The following SPON2 variants were observed in gnomAD, a reference collection of about 807,000 sequenced individuals.
SPON2 encodes the protein spondin 2, also known as spondin-2.
SPON2 carries 32 observed loss-of-function variants against 29.9 expected under a neutral mutation model. The ratio of observed to expected loss-of-function variants is 1.07; its 90% CI spans 0.81 to 1.44. SPON2 has a LOEUF of 1.44. Ranked by LOEUF, SPON2 falls within the 40% of genes most tolerant of loss-of-function variation. SPON2 has a pLI of 0.00. For synonymous variants in SPON2, 248 were observed against 209.1 expected (o/e 1.19, Z -1.61); for missense variants, 541 against 455.5 (o/e 1.19, Z -1.71).
intron 1 of SPON2, among the ~76,000 whole-genome samples, chr4:1,182,846 CA>C (rs1338868576): frequency 6.6e-6 from 1 of 151,918 alleles, no homozygotes; most frequent in African/African-American, 2.4e-5. Flanking sequence ...TCATCACATA[CA>C]AGGAATTGCC....
Position 1,172,544 on chromosome 4 carries a change from CCGGCAG to C in SPON2, c.-10_-5del. ...TGTCCCGGGGGCACGCAGTACTCAC[CCGGCAG>C]GAGCAGCGGGAGCGCGGCCGGCAGC... On this transcript the variant is annotated splice_region_variant and 5_prime_UTR_variant, in exon 1 of 6. Transcript: ENST00000290902. The C allele has an allele frequency of 6.0e-6, 1 of 167,710 alleles. No homozygotes were observed. The highest frequency in any genetic ancestry group is 1.3e-5 in the Non-Finnish European group (1 of 78,254). 10.4% of individuals were successfully genotyped at this position (167,710 alleles called of 1,614,324 possible).
chr4:1,207,536 A>G (rs928431796), intron 1 of SPON2, among the ~76,000 whole-genome samples: 2 of 151,292 alleles, frequency 1.3e-5, no homozygotes, highest in East Asian at 1.9e-4. Context: ...CCGCGCTTAC[A>G]CATGCTCCAG....
Position 1,189,638 on chromosome 4 carries a change from CA to C in SPON2, c.-239+5351del, listed in dbSNP as rs61543201. On this transcript the variant is annotated intron_variant, in intron 1 of 3. Transcript: ENST00000502483. ...TGGGCAACAGAGTGAGACCCTGTCT[CA>C]AAAAAAAAAAAAAAAAAAAGAAAGA... is the stretch of plus-strand genomic sequence containing the variant. Among the ~76,000 whole-genome samples the C allele has an allele frequency of 9.4e-3, 567 of 60,250 alleles. 6 individuals are homozygous for C. Among genetic ancestry groups the C allele is most frequent in the South Asian group, 0.08 (98 of 1,226 alleles). 39.5% of individuals were successfully genotyped at this position (60,250 alleles called of 152,430 possible).
At chr4:1,205,447 G>A (rs1457841974) in intron 1 of SPON2, among the ~76,000 whole-genome samples, 1 of 152,224 alleles carries the variant, frequency 6.6e-6, no homozygotes, top group East Asian at 1.9e-4. Flanking sequence ...GCTGGCATCC[G>A]TGGAGCTGTG....
rs1226396077 is a variant in SPON2, at chr4:1,202,527, C to T, written c.-234+5353G>A. Among the ~76,000 whole-genome samples, 1 of 152,164 alleles carries T rather than the reference C, an allele frequency of 6.6e-6. No homozygotes were observed. Among genetic ancestry groups the T allele is most frequent in the Admixed American group, 6.5e-5 (1 of 15,290 alleles). On this transcript the variant is annotated intron_variant, in intron 1 of 3. Transcript: ENST00000509233. The surrounding 1 kb of genome is among the most constrained non-coding windows in gnomAD (Gnocchi z 5.4). ...GGATGATCTTGGACTCCCTGCCCAC[C>T]TTCCAGACACATGGGGGCAGGGCTG...
At chr4:1,177,711 G>T (rs1727630749), upstream of SPON2, among the ~76,000 whole-genome samples, 1 of 152,126 alleles carries the variant, frequency 6.6e-6, no homozygotes, top group Non-Finnish European at 1.5e-5. Context: ...GGCCCTCAGG[G>T]TCTGGCATGT....
At chr4:1,194,346 A>C (rs1280679524) in intron 1 of SPON2, among the ~76,000 whole-genome samples, 2 of 152,184 alleles carry the variant, frequency 1.3e-5, no homozygotes, top group African/African-American at 2.4e-5. Flanking sequence ...GGACCACTTC[A>C]GAGGCGGTTC....
upstream of SPON2, among the ~76,000 whole-genome samples, chr4:1,177,408 G>A (rs1348919982): frequency 3.9e-5 from 6 of 152,216 alleles, no homozygotes; most frequent in South Asian, 2.1e-4. Context: ...TTGGACAACC[G>A]CAGGTGCTGT....
upstream of SPON2, among the ~76,000 whole-genome samples, chr4:1,176,595 A>ATGC (rs1221318049): frequency 0.026 from 2,805 of 109,232 alleles, 118 homozygotes; most frequent in African/African-American, 0.12. Flanking sequence ...CAGTACATTC[A>ATGC]ATCATCCATT....
intron 1 of SPON2, among the ~76,000 whole-genome samples, chr4:1,203,366 T>G (rs1369415072): frequency 6.6e-6 from 1 of 152,200 alleles, no homozygotes; most frequent in East Asian, 1.9e-4. Flanking sequence ...TATGTGGCCG[T>G]CTGCGTCTGA....
upstream of SPON2, among the ~76,000 whole-genome samples, chr4:1,178,166 A>T (rs1727641092): frequency 6.9e-6 from 1 of 144,836 alleles, no homozygotes; most frequent in Admixed American, 6.8e-5. Context: ...CCCTCCGGCC[A>T]GGCACCACGG....
intron 1 of SPON2, among the ~76,000 whole-genome samples, chr4:1,191,353 A>C (rs989013910): frequency 4.6e-5 from 7 of 152,250 alleles, no homozygotes; most frequent in African/African-American, 1.7e-4. Flanking sequence ...AAAGTCACTC[A>C]CTTGAGGAGA....
chr4:1,191,649 C>T (rs1174494384), intron 1 of SPON2, among the ~76,000 whole-genome samples: 1 of 152,146 alleles, frequency 6.6e-6, no homozygotes, highest in Admixed American at 6.5e-5. Context: ...CACCTTGGCT[C>T]AGAACTCAGC....
At chr4:1,194,484 C>T (rs1576996046) in intron 1 of SPON2, among the ~76,000 whole-genome samples, 2 of 151,570 alleles carry the variant, frequency 1.3e-5, no homozygotes, top group African/African-American at 4.9e-5. Flanking sequence ...ACGGGGAAGC[C>T]GGGCCGCGGT....
chr4:1,191,685 G>A (rs1258105331), intron 1 of SPON2, among the ~76,000 whole-genome samples: 2 of 152,206 alleles, frequency 1.3e-5, no homozygotes, highest in Non-Finnish European at 2.9e-5. Flanking sequence ...GAAGGCCAGG[G>A]GCAGGAGAGA....
At chr4:1,176,852 CTTCAT>C (rs1226011493), upstream of SPON2, among the ~76,000 whole-genome samples, 1 of 151,720 alleles carries the variant, frequency 6.6e-6, no homozygotes, top group Non-Finnish European at 1.5e-5. Context: ...CATTCACACA[CTTCAT>C]TCATTCATTC....
At chr4:1,190,147 A>G (rs887426662) in intron 1 of SPON2, among the ~76,000 whole-genome samples, 2 of 152,142 alleles carry the variant, frequency 1.3e-5, no homozygotes, top group African/African-American at 4.8e-5. Flanking sequence ...AGGGACTCTT[A>G]TGAACAATGT....
chr4:1,202,616 C>T lies in SPON2; in HGVS notation c.-234+5264G>A, dbSNP rs2108681929. On this transcript the variant is annotated intron_variant, in intron 1 of 3. Transcript: ENST00000509233. The surrounding 1 kb of genome is among the most constrained non-coding windows in gnomAD (Gnocchi z 5.4). The stretch of plus-strand genomic sequence containing the variant: ...TCATGGGTCGGAGTCTCCTGCCTGC[C>T]GCTCTCCCAGGCTGTGCTTGCTCGC... Among the ~76,000 whole-genome samples, 1 of 152,158 alleles carries T rather than the reference C, an allele frequency of 6.6e-6. No homozygotes were observed. The highest frequency in any genetic ancestry group is 6.5e-5 in the Admixed American group (1 of 15,298).
chr4:1,167,692 C>T (rs17164384), intron 5 of SPON2, 36 bp from the exon 6 acceptor site: 190,535 of 1,544,774 alleles, frequency 0.12, 13,570 homozygotes, highest in African/African-American at 0.3. Context: ...GGTGAACGCT[C>T]GCGTGAAGAG....
Sources: gnomAD v4.1 joint callset for allele counts (sites outside exome capture counted in the v4.1 genomes callset) on GRCh38, gnomAD v4.1.1 for gene constraint, Gnocchi (gnomAD v3.1) non-coding constraint, MANE v1.5 for transcripts, NCBI Gene and HGNC (gene_info 2026-07-23, HGNC 2026-07-21) for gene names.